The following CNTNAP2 variants were observed in gnomAD, a reference collection of about 807,000 sequenced individuals.
CNTNAP2 encodes the protein contactin associated protein 2.
CNTNAP2 carries 98 observed loss-of-function variants against 155.2 expected under a neutral mutation model. The ratio of observed to expected loss-of-function variants is 0.63; its 90% CI spans 0.54 to 0.75. CNTNAP2 has a LOEUF of 0.75. Among genes scored for constraint, CNTNAP2 ranks in the 30% least tolerant of loss-of-function variants. The pLI, the probability that CNTNAP2 is intolerant of heterozygous loss-of-function variation, is 0.00. For missense variants in CNTNAP2, 1,727 were observed against 1,688.1 expected (o/e 1.02, Z -0.40); for synonymous variants, 651 against 631.2 (o/e 1.03, Z -0.47).
At chr7:147,654,127 A>G (rs1014443587) in intron 13 of CNTNAP2, among the ~76,000 whole-genome samples, 1 of 152,188 alleles carries the variant, frequency 6.6e-6, no homozygotes, top group African/African-American at 2.4e-5. Flanking sequence ...CAAAGCCGAG[A>G]AAAAGTGTGT....
chr7:147,391,185 G>T (rs937460585), intron 9 of CNTNAP2, among the ~76,000 whole-genome samples: 3 of 152,106 alleles, frequency 2.0e-5, no homozygotes, highest in African/African-American at 7.2e-5. Context: ...TAGACTCTCT[G>T]GTTCAAAAGT....
intron 4 of CNTNAP2, among the ~76,000 whole-genome samples, chr7:147,065,764 G>T (rs1206522139): frequency 6.6e-6 from 1 of 152,138 alleles, no homozygotes; most frequent in Non-Finnish European, 1.5e-5. Context: ...ATCTCAAAAT[G>T]TAAGTTGCAC....
intron 3 of CNTNAP2, among the ~76,000 whole-genome samples, chr7:146,968,557 G>A (rs1563024864): frequency 6.6e-6 from 1 of 152,070 alleles, no homozygotes. Context: ...ATGTGTCGAG[G>A]AATTTATCCA....
intron 3 of CNTNAP2, among the ~76,000 whole-genome samples, chr7:146,845,352 T>C (rs1803820557): frequency 6.6e-6 from 1 of 152,160 alleles, no homozygotes; most frequent in Non-Finnish European, 1.5e-5. Flanking sequence ...AATTCATGTA[T>C]CTTGTTTCAT....
At chr7:147,530,103 C>T (rs1429093684) in intron 11 of CNTNAP2, among the ~76,000 whole-genome samples, 1 of 151,850 alleles carries the variant, frequency 6.6e-6, no homozygotes, top group Non-Finnish European at 1.5e-5. Context: ...ATACCTGAGA[C>T]TGCTAAGAAA....
At chr7:148,305,920 C>T (rs1019479043) in intron 21 of CNTNAP2, among the ~76,000 whole-genome samples, 5 of 152,154 alleles carry the variant, frequency 3.3e-5, no homozygotes, top group Non-Finnish European at 2.9e-5. Flanking sequence ...GGCATGAGAT[C>T]CCCCTCCTAC....
At chr7:146,125,532 C>A (rs1289881494) in intron 1 of CNTNAP2, among the ~76,000 whole-genome samples, 1 of 145,288 alleles carries the variant, frequency 6.9e-6, no homozygotes, top group Non-Finnish European at 1.5e-5. Flanking sequence ...GCCGAGATCG[C>A]GCCACTGCAC....
At chr7:146,930,649 TAA>T (rs1211440794) in intron 3 of CNTNAP2, among the ~76,000 whole-genome samples, 3 of 152,132 alleles carry the variant, frequency 2.0e-5, no homozygotes, top group Admixed American at 2.0e-4. Flanking sequence ...GCAAATTGGA[TAA>T]AGAGTCAAGA....
intron 13 of CNTNAP2, among the ~76,000 whole-genome samples, chr7:147,669,335 C>A (rs1302924534): frequency 6.6e-6 from 1 of 152,126 alleles, no homozygotes; most frequent in African/African-American, 2.4e-5. Flanking sequence ...ATGTGAAAAT[C>A]ATATTTCATC....
chr7:146,488,104 A>G, intron 1 of CNTNAP2, among the ~76,000 whole-genome samples: 1 of 152,112 alleles, frequency 6.6e-6, no homozygotes, highest in East Asian at 1.9e-4. Context: ...AAACATTTGG[A>G]TCATACCTTG....
chr7:146,836,794 A>G (rs1015017815), intron 2 of CNTNAP2, among the ~76,000 whole-genome samples: 2 of 152,210 alleles, frequency 1.3e-5, no homozygotes, highest in Admixed American at 6.5e-5. Context: ...TTTATAGTAT[A>G]CACATAAAAG....
intron 13 of CNTNAP2, among the ~76,000 whole-genome samples, chr7:147,793,001 G>A (rs956152551): frequency 1.3e-5 from 2 of 152,046 alleles, no homozygotes; most frequent in Non-Finnish European, 2.9e-5. Flanking sequence ...CTTACTTGGA[G>A]CAAGTCTTAT....
At chr7:147,865,581 A>G (rs1425471002) in intron 13 of CNTNAP2, among the ~76,000 whole-genome samples, 2 of 152,064 alleles carry the variant, frequency 1.3e-5, no homozygotes, top group East Asian at 1.9e-4. Context: ...TTGGTAGGCT[A>G]TTAATTATTG....
intron 1 of CNTNAP2, among the ~76,000 whole-genome samples, chr7:146,328,168 C>T (rs181396844): frequency 3.9e-5 from 6 of 152,192 alleles, no homozygotes; most frequent in South Asian, 2.1e-4. Context: ...CATAGGAGCA[C>T]GAACCCTATG....
intron 23 of CNTNAP2, 47 bp downstream of exon 23, chr7:148,409,518 A>G (rs1585354553): frequency 6.7e-7 from 1 of 1,490,418 alleles, no homozygotes; most frequent in Admixed American, 1.7e-5. Flanking sequence ...TCAACTATGG[A>G]AAGTAATAGT....
chr7:146,783,751 T>C (rs1315366864), intron 2 of CNTNAP2, among the ~76,000 whole-genome samples: 1 of 152,246 alleles, frequency 6.6e-6, no homozygotes, highest in East Asian at 1.9e-4. Flanking sequence ...GATGTTAATA[T>C]GTGTGGTGAA....
At chr7:146,778,724 C>G (rs1802432850) in intron 2 of CNTNAP2, among the ~76,000 whole-genome samples, 1 of 152,196 alleles carries the variant, frequency 6.6e-6, no homozygotes, top group Non-Finnish European at 1.5e-5. Flanking sequence ...AATTGTTTCT[C>G]AATCTTCATA....
intron 1 of CNTNAP2, among the ~76,000 whole-genome samples, chr7:146,700,471 T>C (rs1431703349): frequency 6.6e-6 from 1 of 152,136 alleles, no homozygotes; most frequent in Non-Finnish European, 1.5e-5. Context: ...AGTAACTAGA[T>C]AACTTCAGTA....
Position 148,330,652 on chromosome 7 carries a change from A to AATGG in CNTNAP2, c.3476-52979_3476-52976dup, listed in dbSNP as rs199892901. On this transcript the variant is annotated intron_variant, in intron 21 of 23. Coordinates refer to ENST00000361727, the MANE Select transcript of CNTNAP2 (RefSeq NM_014141.6). Reference sequence around the variant, plus strand: ...GTGGACGGACGGAGTGGACGGATGGAATGGATGGATGGATGGATGGAGTAG... The same window carrying AATGG: ...GTGGACGGACGGAGTGGACGGATGGAATGGATGGATGGATGGATGGATGGAGTAG... Among the ~76,000 whole-genome samples, 409 of 146,690 alleles carry AATGG rather than the reference A, an allele frequency of 2.8e-3. 2 individuals carry two copies. Among genetic ancestry groups the AATGG allele is most frequent in the Non-Finnish European group, 3.5e-3 (236 of 67,168 alleles).
Sources: allele counts gnomAD v4.1 joint callset (sites outside exome capture counted in the v4.1 genomes callset), GRCh38; gene constraint gnomAD v4.1.1; transcripts MANE v1.5; gene names NCBI Gene and HGNC (gene_info 2026-07-23, HGNC 2026-07-21).